The following DCDC2 variants were observed in gnomAD, a reference collection of about 807,000 sequenced individuals.
DCDC2 encodes doublecortin domain containing 2.
DCDC2 carries 40 observed loss-of-function variants against 50.2 expected under a neutral mutation model. That is an observed-to-expected ratio of 0.80 (90% CI 0.62 to 1.04). The LOEUF is 1.04. DCDC2 is among the 50% of genes least tolerant of loss of function. The pLI, the probability that DCDC2 is intolerant of heterozygous loss-of-function variation, is 0.00. For synonymous variants in DCDC2, 234 were observed against 210.6 expected (o/e 1.11, Z -0.96); for missense variants, 570 against 581.9 (o/e 0.98, Z 0.21).
chr6:24,218,750 A>T (rs1377739242), intron 7 of DCDC2, among the ~76,000 whole-genome samples: 1 of 152,168 alleles, frequency 6.6e-6, no homozygotes, highest in Non-Finnish European at 1.5e-5. Context: ...CAACCTCCCA[A>T]AGTGCCGGGA....
chr6:24,200,394 T>C (rs1397066449), intron 8 of DCDC2, among the ~76,000 whole-genome samples: 2 of 152,208 alleles, frequency 1.3e-5, no homozygotes, highest in African/African-American at 4.8e-5. Context: ...CAGATTTTCA[T>C]ATCCAGGCAA....
At position 24,174,666 on chromosome 6, in the gene DCDC2, A is replaced by T; in HGVS notation, c.*64T>A. Reference sequence around the variant, plus strand: ...TATATTCAGCAATAACTATGTGCTTATCTTTCAAGTATGATAACCCTTCAT... The same window carrying T: ...TATATTCAGCAATAACTATGTGCTTTTCTTTCAAGTATGATAACCCTTCAT... On this transcript the variant is annotated 3_prime_UTR_variant, in exon 10 of 10. Transcript: ENST00000378454. The T allele has an allele frequency of 8.0e-6, 9 of 1,127,464 alleles. No homozygotes were observed. Among genetic ancestry groups the T allele is most frequent in the East Asian group, 2.4e-5 (1 of 42,422 alleles). 69.8% of individuals were successfully genotyped at this position (1,127,464 alleles called of 1,614,324 possible).
chr6:24,312,839 A>C (rs1759597590), intron 2 of DCDC2, among the ~76,000 whole-genome samples: 1 of 152,242 alleles, frequency 6.6e-6, no homozygotes, highest in South Asian at 2.1e-4. Flanking sequence ...ACAAACAAAC[A>C]GATGATATGC....
Position 24,172,316 on chromosome 6 carries a change from G to A in DCDC2, c.*2414C>T, listed in dbSNP as rs1760796538. The A allele has an allele frequency of 6.6e-6, 1 of 152,154 alleles. No individual in the cohort carries two copies. Among genetic ancestry groups the A allele is most frequent in the South Asian group, 2.1e-4 (1 of 4,824 alleles). 9.4% of individuals were successfully genotyped at this position (152,154 alleles called of 1,614,324 possible). A position where few individuals can be genotyped will look rare whatever the true frequency, so the allele number is the denominator to read the frequency against. On this transcript the variant is annotated 3_prime_UTR_variant, in exon 10 of 10. Coordinates refer to ENST00000378454, the MANE Select transcript of DCDC2 (RefSeq NM_016356.5). ...CACAATTGTATCTTGTCAACAAGTG[G>A]TAAAATATGCACACACAAGGGATGA...
intron 6 of DCDC2, among the ~76,000 whole-genome samples, chr6:24,287,205 G>A (rs1462270993): frequency 7.2e-5 from 11 of 152,176 alleles, no homozygotes; most frequent in Admixed American, 7.2e-4. Flanking sequence ...ACACCAAAAA[G>A]GACCATCTGT....
chr6:24,362,499 T>G (rs910959554), upstream of DCDC2, among the ~76,000 whole-genome samples: 1 of 111,900 alleles, frequency 8.9e-6, no homozygotes, highest in Non-Finnish European at 1.9e-5. Flanking sequence ...ATTGTATATT[T>G]ATACAATTAT....
chr6:24,193,469 T>A (rs1290328535), intron 8 of DCDC2, among the ~76,000 whole-genome samples: 1 of 152,146 alleles, frequency 6.6e-6, no homozygotes, highest in African/African-American at 2.4e-5. Context: ...TCAGTATCAC[T>A]GAATGTATGT....
intron 8 of DCDC2, among the ~76,000 whole-genome samples, chr6:24,187,340 C>G (rs1304801700): frequency 6.6e-6 from 1 of 152,148 alleles, no homozygotes; most frequent in Non-Finnish European, 1.5e-5. Context: ...CATCCTATTA[C>G]TCATGCTGTT....
At chr6:24,366,993 C>T in the DCDC2 span, among the ~76,000 whole-genome samples, 11 of 152,116 alleles carry the variant, frequency 7.2e-5, no homozygotes, top group African/African-American at 1.9e-4. Context: ...CCACTACAAC[C>T]GGCTAATTTT....
At chr6:24,301,209 A>C (rs1158756519) in intron 4 of DCDC2, among the ~76,000 whole-genome samples, 2 of 151,842 alleles carry the variant, frequency 1.3e-5, no homozygotes, top group Admixed American at 1.3e-4. Context: ...GTCTCTACTA[A>C]AAATACAAAA....
At chr6:24,362,589 G>C (rs1305409676), upstream of DCDC2, among the ~76,000 whole-genome samples, 8 of 151,646 alleles carry the variant, frequency 5.3e-5, no homozygotes, top group Non-Finnish European at 1.0e-4. Context: ...CAATGCCCAT[G>C]TTTACAATTC....
intron 2 of DCDC2, among the ~76,000 whole-genome samples, chr6:24,321,833 G>A (rs1759779148): frequency 6.6e-6 from 1 of 152,144 alleles, no homozygotes; most frequent in South Asian, 2.1e-4. Context: ...AAACAAATTA[G>A]CTAATACAAA....
intron 2 of DCDC2, among the ~76,000 whole-genome samples, chr6:24,303,038 T>C (rs1483334812): frequency 2.6e-5 from 4 of 152,014 alleles, no homozygotes; most frequent in Non-Finnish European, 5.9e-5. Context: ...AGGAACTATA[T>C]GCCTTTAGGA....
At chr6:24,236,278 CA>C (rs559187748) in intron 7 of DCDC2, among the ~76,000 whole-genome samples, 174 of 152,250 alleles carry the variant, frequency 1.1e-3, no homozygotes, top group Admixed American at 2.9e-3. Flanking sequence ...AATAAAGCTG[CA>C]CACCTATAGC....
chr6:24,323,797 C>A (rs1490276535), intron 2 of DCDC2, among the ~76,000 whole-genome samples: 1 of 152,154 alleles, frequency 6.6e-6, no homozygotes, highest in Non-Finnish European at 1.5e-5. Flanking sequence ...AAACTTCTGT[C>A]ATTTGCTTAC....
chr6:24,284,975 T>C (rs2113825231), intron 6 of DCDC2, among the ~76,000 whole-genome samples: 1 of 152,320 alleles, frequency 6.6e-6, no homozygotes, highest in South Asian at 2.1e-4. Flanking sequence ...TGAAACTATT[T>C]GTACATTTGT....
At chr6:24,326,298 C>T (rs1759860443) in intron 2 of DCDC2, among the ~76,000 whole-genome samples, 1 of 148,614 alleles carries the variant, frequency 6.7e-6, no homozygotes, top group African/African-American at 2.4e-5. Context: ...TTGACTCAAG[C>T]TAATGTTAAA....
At chr6:24,369,944 A>C in the DCDC2 span, among the ~76,000 whole-genome samples, 1 of 152,016 alleles carries the variant, frequency 6.6e-6, no homozygotes. Context: ...CAGGAGGCTG[A>C]GGTGGGAGGA....
At chr6:24,264,313 G>A (rs910805876) in intron 7 of DCDC2, among the ~76,000 whole-genome samples, 1 of 152,170 alleles carries the variant, frequency 6.6e-6, no homozygotes, top group African/African-American at 2.4e-5. Context: ...ACTGGTAATA[G>A]TAAGTAGGCA....
Sources: allele counts gnomAD v4.1 joint callset (sites outside exome capture counted in the v4.1 genomes callset), GRCh38; gene constraint gnomAD v4.1.1; transcripts MANE v1.5; gene names NCBI Gene and HGNC (gene_info 2026-07-23, HGNC 2026-07-21).